Variants in TMOD1 observed in about 807,000 individuals in gnomAD.
TMOD1 encodes tropomodulin 1.
Under a neutral mutation model 40.6 loss-of-function variants are expected in TMOD1, and 17 were observed. The ratio of observed to expected loss-of-function variants is 0.42; its 90% CI spans 0.29 to 0.63. The LOEUF (loss-of-function observed/expected upper bound fraction) is 0.63. TMOD1 is among the 20% of genes least tolerant of loss of function. The pLI is 0.22. For missense variants in TMOD1, 391 were observed against 447.6 expected, an observed-to-expected ratio of 0.87 and a Z score of 1.14; for synonymous variants, 181 against 175.0, an observed-to-expected ratio of 1.03 and a Z score of -0.27.
chr9:97,512,398 C>G (rs948386478), intron 1 of TMOD1, among the ~76,000 whole-genome samples: 3 of 152,198 alleles, frequency 2.0e-5, no homozygotes, highest in Non-Finnish European at 4.4e-5. Context: ...TATGACCTAG[C>G]AATTCCACTC....
chr9:97,527,124 G>A (rs1029922083), intron 2 of TMOD1, among the ~76,000 whole-genome samples: 2 of 152,024 alleles, frequency 1.3e-5, no homozygotes, highest in Non-Finnish European at 2.9e-5. Context: ...CTCCCCATTA[G>A]CCTGTGTTTC....
At chr9:97,528,236 C>G (rs16921526) in intron 2 of TMOD1, among the ~76,000 whole-genome samples, 11 of 152,142 alleles carry the variant, frequency 7.2e-5, no homozygotes, top group African/African-American at 2.4e-4. Context: ...AACTTGCTGA[C>G]GGTCGCAGGA....
At chr9:97,591,805 C>G (rs887904669) in intron 9 of TMOD1, among the ~76,000 whole-genome samples, 17 of 152,154 alleles carry the variant, frequency 1.1e-4, no homozygotes, top group Admixed American at 7.2e-4. Flanking sequence ...CCAGGTCACA[C>G]AGTCTAGATT....
intron 1 of TMOD1, among the ~76,000 whole-genome samples, chr9:97,507,040 C>G (rs928094913): frequency 2.0e-5 from 3 of 152,186 alleles, no homozygotes; most frequent in African/African-American, 7.2e-5. Context: ...ATTTTGAACA[C>G]CAAGGTGAGT....
At chr9:97,578,341 C>A (rs1464151641) in intron 8 of TMOD1, among the ~76,000 whole-genome samples, 1 of 152,204 alleles carries the variant, frequency 6.6e-6, no homozygotes, top group African/African-American at 2.4e-5. Context: ...GCGTGAGCCA[C>A]CGTGCCCGGC....
chr9:97,559,811 ATATATATATATATGTCTATCTATC>A (rs1405122914), intron 4 of TMOD1, among the ~76,000 whole-genome samples: 2 of 42,168 alleles, frequency 4.7e-5, no homozygotes, highest in Admixed American at 2.4e-4. Flanking sequence ...ATATATATAT[ATATATATATATATGTCTATCTATC>A]TATCTATCTA....
chr9:97,518,643 G>A (rs1401681699), intron 1 of TMOD1, among the ~76,000 whole-genome samples: 1 of 152,226 alleles, frequency 6.6e-6, no homozygotes, highest in African/African-American at 2.4e-5. Flanking sequence ...AGTCATCTGA[G>A]AGTGGAGGGG....
intron 3 of TMOD1, among the ~76,000 whole-genome samples, chr9:97,547,777 T>G (rs1166694569): frequency 6.6e-6 from 1 of 152,200 alleles, no homozygotes; most frequent in East Asian, 1.9e-4. Flanking sequence ...AACTCACATC[T>G]TATCAGCATC....
At chr9:97,526,618 C>T (rs895587655) in intron 2 of TMOD1, among the ~76,000 whole-genome samples, 3 of 152,042 alleles carry the variant, frequency 2.0e-5, no homozygotes, top group African/African-American at 7.3e-5. Flanking sequence ...AATAGTGATC[C>T]ATAAAGAAAA....
In TMOD1 at chr9:97,600,193, A is replaced by C; in HGVS notation, c.*495A>C. ...TTGGAATTTTGAAAACCTCGATTAA[A>C]GTTGCCAAATTGATTACTGGATCCA... is the stretch of plus-strand genomic sequence containing the variant. On this transcript the variant is annotated 3_prime_UTR_variant, in exon 10 of 10. Coordinates refer to ENST00000259365, the MANE Select transcript of TMOD1 (RefSeq NM_003275.4). 2 of 995,866 alleles carry C rather than the reference A, an allele frequency of 2.0e-6. No individual in the cohort carries two copies. The highest frequency in any genetic ancestry group is 2.4e-6 in the Non-Finnish European group (2 of 835,058). The allele number at this position is 995,866 out of a possible 1,614,324, so 61.7% of individuals were successfully genotyped here.
chr9:97,570,617 C>G (rs1170296688), intron 8 of TMOD1, among the ~76,000 whole-genome samples: 1 of 152,134 alleles, frequency 6.6e-6, no homozygotes, highest in Admixed American at 6.5e-5. Context: ...AGTTAGATAC[C>G]TCTTCCTCTG....
chr9:97,539,232 T>C (rs1202824134), intron 2 of TMOD1, among the ~76,000 whole-genome samples: 2 of 152,146 alleles, frequency 1.3e-5, no homozygotes, highest in African/African-American at 4.8e-5. Context: ...AATAAGAGAA[T>C]GAGAGGTGCT....
At chr9:97,501,623 C>A, upstream of TMOD1, 1 of 149,274 alleles carries the variant, frequency 6.7e-6, no homozygotes, top group South Asian at 1.9e-4. Flanking sequence ...CCCCTGGCTC[C>A]CACCCCCGAG....
chr9:97,574,263 G>A (rs1830875829), intron 8 of TMOD1, among the ~76,000 whole-genome samples: 3 of 152,002 alleles, frequency 2.0e-5, no homozygotes, highest in Non-Finnish European at 4.4e-5. Context: ...GCGCTTGCGG[G>A]CCAGCGCGTG....
intron 1 of TMOD1, among the ~76,000 whole-genome samples, chr9:97,506,486 A>G (rs1243928625): frequency 6.6e-6 from 1 of 152,214 alleles, no homozygotes; most frequent in Non-Finnish European, 1.5e-5. Context: ...ACACAACACC[A>G]ACCAGCATTT....
Position 97,558,305 on chromosome 9 carries a change from C to A in TMOD1, c.398-4427C>A, listed in dbSNP as rs143389620. ...TTAGAACTTTAGAACTGCTAGTGAC[C>A]TAGTGAATGAGAATACTAACTTAAA... On this transcript the variant is annotated intron_variant, in intron 4 of 9. Transcript: ENST00000259365. 7.7e-4 allele frequency among the ~76,000 whole-genome samples: 118 copies of A among 152,264 alleles called. 1 individual carries two copies. The highest frequency in any genetic ancestry group is 2.7e-3 in the African/African-American group (114 of 41,552).
At chr9:97,583,494 A>T (rs913997714) in intron 8 of TMOD1, among the ~76,000 whole-genome samples, 2 of 151,204 alleles carry the variant, frequency 1.3e-5, no homozygotes, top group African/African-American at 4.9e-5. Flanking sequence ...TGGCTTTGGT[A>T]TCAGAATGAT....
intron 1 of TMOD1, among the ~76,000 whole-genome samples, chr9:97,507,542 G>A: frequency 6.6e-6 from 1 of 152,194 alleles, no homozygotes; most frequent in East Asian, 1.9e-4. Flanking sequence ...AATCTGATTA[G>A]AGCTTATGAA....
chr9:97,546,420 G>A (rs1018543762), intron 3 of TMOD1, 79 bp downstream of exon 3: 1 of 1,498,634 alleles, frequency 6.7e-7, no homozygotes, highest in Non-Finnish European at 9.0e-7. Flanking sequence ...GCCCTGCCAG[G>A]CCCTGTGTTG....
Sources: allele counts gnomAD v4.1 joint callset (sites outside exome capture counted in the v4.1 genomes callset), GRCh38; gene constraint gnomAD v4.1.1; transcripts MANE v1.5; gene names NCBI Gene and HGNC (gene_info 2026-07-23, HGNC 2026-07-21).